SBNO2: variants seen among roughly 807,000 people sequenced by gnomAD.
The protein encoded by SBNO2 is strawberry notch homolog 2, also known as protein strawberry notch homolog 2.
A neutral mutation model predicts 146.3 loss-of-function variants in SBNO2; 89 were observed. The observed-to-expected ratio is 0.61, with a 90% CI of 0.51 to 0.73. The LOEUF is 0.73. Among genes scored for constraint, SBNO2 ranks in the 30% least tolerant of loss-of-function variants. The pLI, the probability that SBNO2 is intolerant of heterozygous loss-of-function variation, is 0.00. For missense variants in SBNO2, 2,092 were observed against 2,003.7 expected, an observed-to-expected ratio of 1.04 and a Z score of -0.84; for synonymous variants, 1,147 against 892.6, an observed-to-expected ratio of 1.29 and a Z score of -5.08.
In SBNO2 at chr19:1,118,991, G is replaced by A. The variant is rs375825281; in HGVS notation, c.1527+20C>T. 92 of 1,568,124 alleles carry A rather than the reference G, an allele frequency of 5.9e-5. No individual in the cohort carries two copies. The African/African-American group carries it at 1.1e-3, about 19-fold the overall frequency. On this transcript the variant is annotated intron_variant, in intron 14 of 31. Transcript: ENST00000361757. ...CCCGGGAAACGCACAGGGGTCCCCG[G>A]GTCGGGTGCGCAGGCTCACCAGCAG...
In SBNO2 at chr19:1,108,624, C is replaced by A; in HGVS notation, c.3697G>T (p.Ala1233Ser). 6.9e-7 allele frequency: 1 copy of A among 1,452,956 alleles called. No homozygotes were observed. The highest frequency in any genetic ancestry group is 1.4e-5 in the South Asian group (1 of 73,980). The allele number at this position is 1,452,956 out of a possible 1,614,324, so 90.0% of individuals were successfully genotyped here. Residue 1233 changes from alanine to serine, a missense_variant, in exon 32 of 32, where the codon GCG becomes TCG. Physicochemically the swap from Ala to Ser is moderately conservative, Grantham distance 99. Transcript: ENST00000361757. ...GGGGCGGGGCAGCCCAGGGCGGGCG[C>A]CTGCCTGCGCTTCACGTCCGCATCC... ...LMDADVKRRQAPALGCPAPPA... is the reference protein window; with the variant it reads ...LMDADVKRRQSPALGCPAPPA...
intron 17 of SBNO2, chr19:1,115,749 C>CCCGCGT (rs2079822813): frequency 1.8e-6 from 1 of 552,158 alleles, no homozygotes; most frequent in African/African-American, 1.9e-5. Context: ...TCGCTCAGCA[C>CCCGCGT]CCGCGTCCGT....
At position 1,117,465 on chromosome 19, in the gene SBNO2, G is replaced by A; in HGVS notation, c.1562C>T (p.Ala521Val). Residue 521 changes from alanine (A) to valine (V), a missense_variant, in exon 15 of 32, where the codon GCC becomes GTC. Ala to Val is a moderately conservative substitution (Grantham distance 64). Coordinates refer to ENST00000361757, the MANE Select transcript of SBNO2 (RefSeq NM_014963.3). ...AEALNVFQQA[A>V]DWIGLESRKS... The stretch of plus-strand genomic sequence containing the variant: ...GCGCGACTCCAGGCCGATCCAGTCG[G>A]CCGCCTGCTGGAACACGTTCAGGGC... 1 of 1,587,736 alleles carries A rather than the reference G, an allele frequency of 6.3e-7. No homozygotes were observed. The highest frequency in any genetic ancestry group is 8.6e-7 in the Non-Finnish European group (1 of 1,168,670).
intron 1 of SBNO2, among the ~76,000 whole-genome samples, chr19:1,161,907 G>GGA: frequency 1.6e-5 from 1 of 61,092 alleles, no homozygotes; most frequent in African/African-American, 5.7e-5. Context: ...GGGGAGCCGC[G>GGA]GGGGGGGGGG....
At position 1,110,712 on chromosome 19, in the gene SBNO2, CCACCCACACCA is replaced by C. The variant is rs2079746960; in HGVS notation, c.3028+22_3028+32del. ...GTTCCCACGAGCCCCGCACCCACAC[CCACCCACACCA>C]CACCCCGGCACCTGTGCTCACCCAG... On this transcript the variant is annotated intron_variant, in intron 26 of 31. Transcript: ENST00000361757. The surrounding 1 kb of genome is among the most constrained non-coding windows in gnomAD (Gnocchi z 4.9). The C allele has an allele frequency of 1.9e-6, 3 of 1,611,180 alleles. No individual in the cohort carries two copies. The highest frequency in any genetic ancestry group is 2.5e-6 in the Non-Finnish European group (3 of 1,178,316).
In SBNO2 at chr19:1,154,338, G is replaced by C; in HGVS notation, c.-62C>G. The C allele has an allele frequency of 2.1e-6, 2 of 933,618 alleles. No individual in the cohort carries two copies. The highest frequency in any genetic ancestry group is 2.8e-6 in the Non-Finnish European group (2 of 714,150). 57.8% of individuals were successfully genotyped at this position (933,618 alleles called of 1,614,324 possible). A position where few individuals can be genotyped will look rare whatever the true frequency, so the allele number is the denominator to read the frequency against. ...CAGGCGGCGGGACTCCAGGACCCGGGGCCGCCGGGGCGTCTATCTGGGCTT... is the reference window on the plus strand; with the variant it reads ...CAGGCGGCGGGACTCCAGGACCCGGCGCCGCCGGGGCGTCTATCTGGGCTT... On this transcript the variant is annotated 5_prime_UTR_variant, in exon 2 of 32. Coordinates refer to ENST00000361757, the MANE Select transcript of SBNO2 (RefSeq NM_014963.3).
At chr19:1,124,053 C>T (rs773984867) in intron 5 of SBNO2, 31 bp from the exon 6 acceptor site, 21 of 1,598,998 alleles carry the variant, frequency 1.3e-5, no homozygotes, top group South Asian at 6.8e-5. Flanking sequence ...CAGCCCGGGC[C>T]AGACGGGACA....
In SBNO2 at chr19:1,112,221, C is replaced by T; in HGVS notation, c.2596G>A (p.Ala866Thr). ...TCCAGGCGCTTGGCCACGATGGAGG[C>T]GAACCGGCGCTCCCCGGCCAGCTCC... is the stretch of plus-strand genomic sequence containing the variant. ...ISELAGERRFASIVAKRLESL... is the reference protein window; with the variant it reads ...ISELAGERRFTSIVAKRLESL... Residue 866 changes from alanine to threonine, a missense_variant, in exon 22 of 32, where the codon GCC becomes ACC. Physicochemically the swap from Ala to Thr is moderately conservative, Grantham distance 58. Transcript: ENST00000361757. The surrounding 1 kb of genome is among the most constrained non-coding windows in gnomAD (Gnocchi z 5.9). The T allele has an allele frequency of 1.3e-6, 2 of 1,589,934 alleles. No individual in the cohort carries two copies. The highest frequency in any genetic ancestry group is 1.7e-6 in the Non-Finnish European group (2 of 1,168,534).
Position 1,112,813 on chromosome 19 carries a change from C to A in SBNO2, c.2379+5G>T. The A allele has an allele frequency of 6.4e-7, 1 of 1,566,680 alleles. No homozygotes were observed. Among genetic ancestry groups the A allele is most frequent in the Non-Finnish European group, 8.6e-7 (1 of 1,157,666 alleles). ...GGCCGCGCCCAGTGCACTGCAGCCC[C>A]GCACCTTCTCGCCGCTCATGAAGCG... On this transcript the variant is annotated splice_donor_5th_base_variant and intron_variant, in intron 20 of 31. Transcript: ENST00000361757. This position sits in a 1 kb window ranked among gnomAD's most constrained non-coding sequence, Gnocchi z 5.9.
Position 1,127,682 on chromosome 19 carries a change from G to C in SBNO2, c.363C>G (p.Pro121=). The C allele has an allele frequency of 6.2e-7, 1 of 1,613,572 alleles. No individual in the cohort carries two copies. The highest frequency in any genetic ancestry group is 8.5e-7 in the Non-Finnish European group (1 of 1,179,842). Residue 121 remains proline, a synonymous_variant, in exon 5 of 32, where the codon CCC becomes CCG. Transcript: ENST00000361757. ...VDSLSDIVDT[P]DFLPADSLNQ... ...TGAGGCTGTCAGCCGGCAGGAAGTC[G>C]GGCGTGTCCACGATGTCCGACAGGG...
At position 1,140,461 on chromosome 19, in the gene SBNO2, G is replaced by C. The variant is rs563280348; in HGVS notation, c.279+6848C>G. 1.3e-5 allele frequency among the ~76,000 whole-genome samples: 2 copies of C among 152,326 alleles called. No individual in the cohort carries two copies. Among genetic ancestry groups the C allele is most frequent in the South Asian group, 4.1e-4 (2 of 4,828 alleles). On this transcript the variant is annotated intron_variant, in intron 4 of 31. Transcript: ENST00000361757. The surrounding 1 kb of genome is among the most constrained non-coding windows in gnomAD (Gnocchi z 4.4). ...CTTCGCGCCAACCTGGAGACGGAAG[G>C]CTGAGCAGAAGTGAGGGGGGCCCTT...
intron 1 of SBNO2, among the ~76,000 whole-genome samples, chr19:1,161,594 T>C (rs1015844958): frequency 1.9e-4 from 29 of 151,102 alleles, no homozygotes; most frequent in African/African-American, 6.8e-4. Context: ...TGGGGGTGCC[T>C]TCCTGTCTCA....
At chr19:1,159,250 G>A (rs1391227376) in intron 1 of SBNO2, among the ~76,000 whole-genome samples, 1 of 151,962 alleles carries the variant, frequency 6.6e-6, no homozygotes, top group Admixed American at 6.6e-5. Context: ...AGAGAGCCCT[G>A]CAAGCTCAGG....
rs1193411849 is a variant in SBNO2, at chr19:1,144,630, A to AGACAGAGAGGGC, written c.279+2667_279+2678dup. Among the ~76,000 whole-genome samples, 12 of 151,904 alleles carry AGACAGAGAGGGC rather than the reference A, an allele frequency of 7.9e-5. No homozygotes were observed. ...CAGAGGCAGAGAGGGAAACAGACGA[A>AGACAGAGAGGGC]GACAGAGAGGGCGACAGAGACAGAG... On this transcript the variant is annotated intron_variant, in intron 4 of 31. Transcript: ENST00000361757. This position sits in a 1 kb window ranked among gnomAD's most constrained non-coding sequence, Gnocchi z 4.1.
At chr19:1,130,942 T>C (rs1359686633) in intron 4 of SBNO2, among the ~76,000 whole-genome samples, 6 of 152,120 alleles carry the variant, frequency 3.9e-5, no homozygotes, top group African/African-American at 1.4e-4. Flanking sequence ...CCTCGAAGCC[T>C]TCACTTCTAG....
chr19:1,134,714 G>C (rs2080069763), intron 4 of SBNO2, among the ~76,000 whole-genome samples: 1 of 152,188 alleles, frequency 6.6e-6, no homozygotes, highest in Non-Finnish European at 1.5e-5. Context: ...GAACTAGACA[G>C]AGGTGGTGGT....
intron 1 of SBNO2, among the ~76,000 whole-genome samples, chr19:1,163,729 C>G (rs376949351): frequency 2.0e-5 from 3 of 152,226 alleles, no homozygotes; most frequent in Non-Finnish European, 4.4e-5. Flanking sequence ...GGCCCCAGAC[C>G]GGCCCAGCAC....
At chr19:1,143,841 C>A (rs867235732) in intron 4 of SBNO2, among the ~76,000 whole-genome samples, 1 of 152,074 alleles carries the variant, frequency 6.6e-6, no homozygotes, top group South Asian at 2.1e-4. Flanking sequence ...TCCAGGTCAC[C>A]CAGGAAGCTC....
In SBNO2 at chr19:1,131,254, G is replaced by A. The variant is rs2080024929; in HGVS notation, c.280-3489C>T. The stretch of plus-strand genomic sequence containing the variant: ...ACCCAGTGCCTCCCCAGGGAACCGG[G>A]CCCCTCTGCAGTCTGTAGTGAGGGC... On this transcript the variant is annotated intron_variant, in intron 4 of 31. Transcript: ENST00000361757. Among the ~76,000 whole-genome samples, 8 of 152,272 alleles carry A rather than the reference G, an allele frequency of 5.3e-5. No individual in the cohort carries two copies. The South Asian group carries it at 1.7e-3, about 32-fold the overall frequency.
Sources: gnomAD v4.1 joint callset for allele counts (sites outside exome capture counted in the v4.1 genomes callset) on GRCh38, gnomAD v4.1.1 for gene constraint, Gnocchi (gnomAD v3.1) non-coding constraint, MANE v1.5 for transcripts, NCBI Gene and HGNC (gene_info 2026-07-23, HGNC 2026-07-21) for gene names.